The following KIF20B variants were observed in gnomAD, a reference collection of about 807,000 sequenced individuals.
KIF20B encodes the protein kinesin family member 20B.
A neutral mutation model predicts 232.5 loss-of-function variants in KIF20B; 188 were observed. That is an observed-to-expected ratio of 0.81 (90% CI 0.72 to 0.91). KIF20B has a LOEUF of 0.91. Among genes scored for constraint, KIF20B ranks in the 40% least tolerant of loss-of-function variants. The probability of loss-of-function intolerance (pLI) is 0.00; values close to 1 mark genes in which losing one functional copy is unlikely to be tolerated. For missense variants in KIF20B, 2,154 were observed against 2,055.9 expected, an observed-to-expected ratio of 1.05 and a Z score of -0.92; for synonymous variants, 712 against 683.0, an observed-to-expected ratio of 1.04 and a Z score of -0.66.
Position 89,762,835 on chromosome 10 carries a change from GGTAAATACTTAAGTGATGA to G in KIF20B, c.4989+7_4989+25del, listed in dbSNP as rs1181442995. On this transcript the variant is annotated splice_donor_variant and splice_donor_5th_base_variant and intron_variant, in intron 29 of 32. Transcript: ENST00000371728. LOFTEE classifies it high-confidence loss of function. Reference sequence around the variant, plus strand: ...AGAGGAAGAGTAATGAAATGGAGGAGGTAAATACTTAAGTGATGAGTAAATTTAATGAACAAATCTTATT... The same window carrying G: ...AGAGGAAGAGTAATGAAATGGAGGAGGTAAATTTAATGAACAAATCTTATT... 1 of 1,594,328 alleles carries G rather than the reference GGTAAATACTTAAGTGATGA, an allele frequency of 6.3e-7. No homozygotes were observed. Among genetic ancestry groups the G allele is most frequent in the Non-Finnish European group, 8.6e-7 (1 of 1,162,632 alleles).
chr10:89,738,633 T>C lies in KIF20B; in HGVS notation c.3776+16T>C. 5 of 1,528,158 alleles carry C rather than the reference T, an allele frequency of 3.3e-6. No homozygotes were observed. Among genetic ancestry groups the C allele is most frequent in the Non-Finnish European group, 4.4e-6 (5 of 1,145,862 alleles). The allele number at this position is 1,528,158 out of a possible 1,614,324, so 94.7% of individuals were successfully genotyped here. A position where few individuals can be genotyped will look rare whatever the true frequency, so the allele number is the denominator to read the frequency against. ...AAACAGAAAAGTAAGCTAAATGTTA[T>C]TCAAAATATTTTAAAATACACAAAG... On this transcript the variant is annotated intron_variant, in intron 20 of 32. Coordinates refer to ENST00000371728, the MANE Select transcript of KIF20B (RefSeq NM_001284259.2).
At chr10:89,724,889 A>T in intron 14 of KIF20B, 131 bp from the exon 15 acceptor site, 1 of 808,872 alleles carries the variant, frequency 1.2e-6, no homozygotes. Flanking sequence ...TGCTGGGATT[A>T]CAGGCGTGAA....
intron 2 of KIF20B, among the ~76,000 whole-genome samples, chr10:89,705,817 T>G (rs1380702942): frequency 6.6e-6 from 1 of 152,198 alleles, no homozygotes; most frequent in African/African-American, 2.4e-5. Flanking sequence ...ACTCCTGGAT[T>G]GGCATGATGT....
In KIF20B at chr10:89,768,350, A is replaced by G. The variant is rs768384923; in HGVS notation, c.5050A>G (p.Ile1684Val). 1.3e-6 allele frequency: 2 copies of G among 1,591,612 alleles called. No homozygotes were observed. Among genetic ancestry groups the G allele is most frequent in the South Asian group, 1.1e-5 (1 of 87,298 alleles). ...ATPRTNLKFPISDDRNSSVKK... is the reference protein window; with the variant it reads ...ATPRTNLKFPVSDDRNSSVKK... ...ACCCAGAACTAATTTGAAATTTCCT[A>G]TTTCAGATGATAGAAATTCTTCTGT... The change falls in exon 30 of 33, where the codon ATT becomes GTT. Residue 1684 changes from isoleucine to valine, a missense_variant. By Grantham distance (29) the Ile-to-Val change is conservative (BLOSUM62 3). Coordinates refer to ENST00000371728, the MANE Select transcript of KIF20B (RefSeq NM_001284259.2).
chr10:89,718,815 T>G lies in KIF20B; in HGVS notation c.1377T>G (p.Cys459Trp). The G allele has an allele frequency of 6.2e-7, 1 of 1,609,310 alleles. No homozygotes were observed. ...KICMIVNISQ[C>W]YLAYDETLNV... ...GTATGATTGTCAATATCAGCCAATG[T>G]TATTTAGCCTATGATGAAACACTCA... The change falls in exon 12 of 33, where the codon TGT becomes TGG. Residue 459 changes from cysteine (C) to tryptophan (W), a missense_variant. Transcript: ENST00000371728.
chr10:89,752,030 T>C (rs975888530), intron 24 of KIF20B, among the ~76,000 whole-genome samples: 2 of 152,096 alleles, frequency 1.3e-5, no homozygotes, highest in African/African-American at 4.8e-5. Context: ...AAAATGTGGC[T>C]GATGATGATA....
intron 1 of KIF20B, among the ~76,000 whole-genome samples, chr10:89,703,364 G>A (rs1842652766): frequency 1.3e-5 from 2 of 152,188 alleles, no homozygotes; most frequent in African/African-American, 4.8e-5. Context: ...CAAGATGGCA[G>A]GAATAAACAA....
intron 29 of KIF20B, among the ~76,000 whole-genome samples, chr10:89,765,208 T>A (rs1338010655): frequency 6.6e-6 from 1 of 152,110 alleles, no homozygotes; most frequent in African/African-American, 2.4e-5. Flanking sequence ...GTTGTAGATA[T>A]GCGGCGTTAT....
At chr10:89,762,538 C>A in intron 28 of KIF20B, 100 bp from the exon 29 acceptor site, 1 of 828,636 alleles carries the variant, frequency 1.2e-6, no homozygotes, top group Non-Finnish European at 1.9e-6. Flanking sequence ...TTGTCTTTCC[C>A]AATGCATTGT....
intron 22 of KIF20B, among the ~76,000 whole-genome samples, chr10:89,744,287 T>C (rs1318815054): frequency 6.6e-6 from 1 of 152,178 alleles, no homozygotes; most frequent in Non-Finnish European, 1.5e-5. Context: ...TCTTTGGTAT[T>C]CTTTCCCTAA....
In KIF20B at chr10:89,724,019, A is replaced by G; in HGVS notation, c.1778A>G (p.Glu593Gly). 6.3e-7 allele frequency: 1 copy of G among 1,589,380 alleles called. No individual in the cohort carries two copies. The highest frequency in any genetic ancestry group is 1.8e-5 in the Admixed American group (1 of 55,692). ...LKKKLINEKK[E>G]KLTLEFKIRE... ...AAAAAACTGATAAATGAAAAAAAGG[A>G]AAAATTAACCTTGGAATTTAAAATT... Residue 593 changes from glutamate to glycine, a missense_variant, in exon 14 of 33, where the codon GAA becomes GGA. Coordinates refer to ENST00000371728, the MANE Select transcript of KIF20B (RefSeq NM_001284259.2).
At chr10:89,710,734 A>G (rs1842820469) in intron 5 of KIF20B, among the ~76,000 whole-genome samples, 1 of 152,222 alleles carries the variant, frequency 6.6e-6, no homozygotes, top group African/African-American at 2.4e-5. Flanking sequence ...ATATGGTTGC[A>G]TTATCTGAAT....
At position 89,709,904 on chromosome 10, in the gene KIF20B, G is replaced by A. The variant is rs974192993; in HGVS notation, c.352-23G>A. The A allele has an allele frequency of 1.5e-5, 23 of 1,554,338 alleles. No individual in the cohort carries two copies. The East Asian group carries it at 5.0e-4, about 34-fold the overall frequency. ...TATTAACTTGAATTTTCTAAAAAGA[G>A]TTTTTAAAAAATGTTTGCTTAGGTT... On this transcript the variant is annotated intron_variant, in intron 4 of 32. Transcript: ENST00000371728.
At chr10:89,729,426 A>G (rs1053034157) in intron 18 of KIF20B, among the ~76,000 whole-genome samples, 179 bp downstream of exon 18, 1 of 152,206 alleles carries the variant, frequency 6.6e-6, no homozygotes, top group Admixed American at 6.5e-5. Context: ...AACTTAGACG[A>G]GGGTGTTTGA....
At chr10:89,753,650 C>A (rs1292208819) in intron 25 of KIF20B, among the ~76,000 whole-genome samples, 2 of 152,132 alleles carry the variant, frequency 1.3e-5, no homozygotes, top group East Asian at 3.9e-4. Context: ...GAGACGGAAT[C>A]TTGCTCTGTT....
At chr10:89,713,660 ATAAAT>A (rs544436493) in intron 6 of KIF20B, among the ~76,000 whole-genome samples, 173 of 152,304 alleles carry the variant, frequency 1.1e-3, no homozygotes, top group Admixed American at 2.7e-3. Context: ...AACTTGGTGA[ATAAAT>A]TAAATGTTTA....
intron 29 of KIF20B, among the ~76,000 whole-genome samples, chr10:89,768,054 G>A (rs952100670): frequency 6.6e-6 from 1 of 151,976 alleles, no homozygotes; most frequent in African/African-American, 2.4e-5. Context: ...TTGTAGGGAT[G>A]TTTAACAGCA....
chr10:89,768,752 A>C lies in KIF20B; in HGVS notation c.5106A>C (p.Pro1702=). The change falls in exon 31 of 33, where the codon CCA becomes CCC. Residue 1702 remains proline (P), a synonymous_variant. Coordinates refer to ENST00000371728, the MANE Select transcript of KIF20B (RefSeq NM_001284259.2). The part of the protein sequence containing the change: ...VKKEQKVAIR[P]SSKKTYSLRS... ...TTGTTTATTAGGTTGCCATACGTCC[A>C]TCATCTAAGAAAACATATTCTTTAC... 6.3e-7 allele frequency: 1 copy of C among 1,589,008 alleles called. No individual in the cohort carries two copies. The highest frequency in any genetic ancestry group is 8.5e-7 in the Non-Finnish European group (1 of 1,172,890).
rs1209872491 is a variant in KIF20B, at chr10:89,774,697, T to G, written c.*649T>G. ...TGAATTACAGATAATCCAATTACAT[T>G]CTTTAGATCATTTAAAAATATACAA... On this transcript the variant is annotated 3_prime_UTR_variant, in exon 33 of 33. Coordinates refer to ENST00000371728, the MANE Select transcript of KIF20B (RefSeq NM_001284259.2). 3.3e-5 allele frequency: 5 copies of G among 152,008 alleles called. No individual in the cohort carries two copies. The highest frequency in any genetic ancestry group is 3.3e-4 in the Admixed American group (5 of 15,206). The allele number at this position is 152,008 out of a possible 1,614,324, so 9.4% of individuals were successfully genotyped here.
Sources: allele counts gnomAD v4.1 joint callset (sites outside exome capture counted in the v4.1 genomes callset), GRCh38; gene constraint gnomAD v4.1.1; transcripts MANE v1.5; gene names NCBI Gene and HGNC (gene_info 2026-07-23, HGNC 2026-07-21).